EIF4G3: variants seen among roughly 807,000 people sequenced by gnomAD.
EIF4G3 encodes eukaryotic translation initiation factor 4 gamma 3.
EIF4G3 carries 34 observed loss-of-function variants against 186.4 expected under a neutral mutation model. That is an observed-to-expected ratio of 0.18 (90% CI 0.14 to 0.24). EIF4G3 has a LOEUF of 0.24. Ranked by LOEUF, EIF4G3 falls within the 10% of genes least tolerant of loss-of-function variation. EIF4G3 has a pLI of 1.00. For missense variants in EIF4G3, 1,536 were observed against 1,948.5 expected, an observed-to-expected ratio of 0.79 and a Z score of 3.99; for synonymous variants, 673 against 679.5, an observed-to-expected ratio of 0.99 and a Z score of 0.15.
intron 33 of EIF4G3, among the ~76,000 whole-genome samples, chr1:20,820,515 G>C (rs1409905292): frequency 2.0e-5 from 3 of 152,188 alleles, no homozygotes; most frequent in Non-Finnish European, 4.4e-5. Context: ...CTGGGTGGAA[G>C]GGGGCAGGGT....
chr1:20,855,103 G>T, intron 25 of EIF4G3, 32 bp from the exon 26 acceptor site: 2 of 1,471,382 alleles, frequency 1.4e-6, no homozygotes, highest in South Asian at 1.2e-5. Flanking sequence ...GTCAATTATA[G>T]GAAATATTCT....
At chr1:20,882,804 A>G (rs965178210) in intron 19 of EIF4G3, among the ~76,000 whole-genome samples, 1 of 151,978 alleles carries the variant, frequency 6.6e-6, no homozygotes, top group Non-Finnish European at 1.5e-5. Context: ...TTCAAAAAAA[A>G]AAAGCCTGGG....
chr1:20,822,162 C>T (rs1557784249), intron 33 of EIF4G3, among the ~76,000 whole-genome samples: 1 of 152,144 alleles, frequency 6.6e-6, no homozygotes, highest in East Asian at 1.9e-4. Flanking sequence ...AGGCATGAGC[C>T]ACCACGCCTG....
chr1:20,983,093 C>G (rs1256028544), intron 7 of EIF4G3, among the ~76,000 whole-genome samples: 1 of 152,072 alleles, frequency 6.6e-6, no homozygotes. Flanking sequence ...TCAAACCACC[C>G]ACAGATGGTA....
intron 2 of EIF4G3, among the ~76,000 whole-genome samples, chr1:21,137,383 G>A (rs1270233416): frequency 2.0e-5 from 3 of 151,986 alleles, no homozygotes; most frequent in South Asian, 2.1e-4. Flanking sequence ...GGCTTCAAGC[G>A]ATCCCGCCTC....
chr1:20,923,143 T>G (rs1171779720), intron 14 of EIF4G3, among the ~76,000 whole-genome samples: 1 of 152,246 alleles, frequency 6.6e-6, no homozygotes, highest in Non-Finnish European at 1.5e-5. Flanking sequence ...TTCACTTTCT[T>G]GCCTGAATTC....
intron 4 of EIF4G3, among the ~76,000 whole-genome samples, chr1:21,027,822 G>A (rs1204104212): frequency 2.0e-5 from 3 of 152,080 alleles, no homozygotes; most frequent in Non-Finnish European, 4.4e-5. Flanking sequence ...GGTCTTAAGG[G>A]AGTTCTTTGT....
At chr1:21,130,639 G>T (rs759693996) in intron 2 of EIF4G3, among the ~76,000 whole-genome samples, 2 of 151,926 alleles carry the variant, frequency 1.3e-5, no homozygotes, top group Non-Finnish European at 2.9e-5. Context: ...AATGTTCAAC[G>T]CTTAATCAAA....
chr1:21,176,458 C>T, intron 1 of EIF4G3, 100 bp from the exon 2 acceptor site: 1 of 170,146 alleles, frequency 5.9e-6, no homozygotes, highest in Non-Finnish European at 1.2e-5. Context: ...GGGCCGGGGG[C>T]AGCGGGGGGG....
chr1:20,844,674 T>C lies in EIF4G3; in HGVS notation c.3889-3646A>G, dbSNP rs552233758. On this transcript the variant is annotated intron_variant, in intron 29 of 36. Coordinates refer to ENST00000602326, the MANE Select transcript of EIF4G3 (RefSeq NM_001391906.1). ...GGCGAAACCCCGTCTCTACTAAAAA[T>C]ACAAAAAATTAGCTGGGTGTAGTGG... Among the ~76,000 whole-genome samples the C allele has an allele frequency of 1.3e-3, 202 of 152,088 alleles. 1 individual carries two copies. The highest frequency in any genetic ancestry group is 6.8e-3 in the Middle Eastern group (2 of 294).
In EIF4G3 at chr1:20,817,377, A is replaced by G. The variant is rs145691965; in HGVS notation, c.4515+15T>C. ...TCCTGTAGAGGTATCAGGGAAGGTGACATAGTCTTTATACCTCTACCCAGT... is the reference window on the plus strand; with the variant it reads ...TCCTGTAGAGGTATCAGGGAAGGTGGCATAGTCTTTATACCTCTACCCAGT... On this transcript the variant is annotated intron_variant, in intron 34 of 36. Coordinates refer to ENST00000602326, the MANE Select transcript of EIF4G3 (RefSeq NM_001391906.1). 6.7e-4 allele frequency: 1,019 copies of G among 1,511,726 alleles called. 9 individuals are homozygous for G. In the African/African-American group the frequency reaches 0.011, roughly 17 times the overall value. The allele number at this position is 1,511,726 out of a possible 1,614,324, so 93.6% of individuals were successfully genotyped here.
chr1:20,952,520 T>C (rs1426809139), intron 12 of EIF4G3, among the ~76,000 whole-genome samples: 2 of 152,158 alleles, frequency 1.3e-5, no homozygotes, highest in East Asian at 3.9e-4. Context: ...AAATTGTAGT[T>C]TAACCTCCAA....
intron 10 of EIF4G3, among the ~76,000 whole-genome samples, chr1:20,973,469 ATGTT>A (rs1199642080): frequency 6.6e-6 from 1 of 152,186 alleles, no homozygotes; most frequent in Non-Finnish European, 1.5e-5. Context: ...GTGTATGTGT[ATGTT>A]TGTTTATGGG....
At chr1:21,033,220 A>T (rs545770244) in intron 4 of EIF4G3, among the ~76,000 whole-genome samples, 4 of 152,360 alleles carry the variant, frequency 2.6e-5, no homozygotes, top group Non-Finnish European at 4.4e-5. Context: ...ACAACAATGC[A>T]GGAAAAATAA....
chr1:21,106,153 A>G (rs1435256057), intron 2 of EIF4G3, among the ~76,000 whole-genome samples: 1 of 151,682 alleles, frequency 6.6e-6, no homozygotes, highest in Non-Finnish European at 1.5e-5. Flanking sequence ...AAGCTACATC[A>G]CTGAGAGGCT....
Position 20,904,917 on chromosome 1 carries a change from C to T in EIF4G3, c.1718G>A (p.Arg573Gln), listed in dbSNP as rs146673611. 1.4e-5 allele frequency: 22 copies of T among 1,613,870 alleles called. No individual in the cohort carries two copies. Among genetic ancestry groups the T allele is most frequent in the East Asian group, 4.5e-5 (2 of 44,864 alleles). ...TGCCTCTAACATCTCTTCAGTGGTTCGGGTCCGATCTTTTGGTTTCTTCCA... is the reference window on the plus strand; with the variant it reads ...TGCCTCTAACATCTCTTCAGTGGTTTGGGTCCGATCTTTTGGTTTCTTCCA... ...KTWKKPKDRT[R>Q]TTEEMLEAEL... Residue 573 changes from arginine to glutamine, a missense_variant, in exon 15 of 37, where the codon CGA (arginine) becomes CAA (glutamine). Physicochemically the swap from Arg to Gln is conservative, Grantham distance 43. This residue lies in a region of EIF4G3 where 560 missense variants were observed against 547.8 expected (regional missense o/e 1.02). Transcript: ENST00000602326.
chr1:21,154,002 TTAAAGG>T (rs2097592302), intron 2 of EIF4G3, among the ~76,000 whole-genome samples: 1 of 152,186 alleles, frequency 6.6e-6, no homozygotes, highest in Non-Finnish European at 1.5e-5. Context: ...TTTTTCTTAG[TTAAAGG>T]TTAAGAAGCA....
chr1:21,151,232 C>CTCTCTTT (rs2097543296), intron 2 of EIF4G3, among the ~76,000 whole-genome samples: 1 of 33,836 alleles, frequency 3.0e-5, no homozygotes, highest in South Asian at 1.5e-3. Flanking sequence ...TATAGTATTT[C>CTCTCTTT]TTTCTTTTTT....
intron 30 of EIF4G3, among the ~76,000 whole-genome samples, chr1:20,838,145 A>G (rs1345387040): frequency 6.6e-6 from 1 of 151,954 alleles, no homozygotes; most frequent in African/African-American, 2.4e-5. Context: ...TCTGGTTATG[A>G]TATTTTTTCT....
Sources: allele counts gnomAD v4.1 joint callset (sites outside exome capture counted in the v4.1 genomes callset), GRCh38; gene constraint gnomAD v4.1.1; regional missense constraint gnomAD v4.1.1; transcripts MANE v1.5; gene names NCBI Gene and HGNC (gene_info 2026-07-23, HGNC 2026-07-21).